GDF10: variants seen among roughly 807,000 people sequenced by gnomAD.
GDF10 encodes growth differentiation factor 10, also known as growth/differentiation factor 10.
GDF10 carries 23 observed loss-of-function variants against 32.1 expected under a neutral mutation model. The ratio of observed to expected loss-of-function variants is 0.72; its 90% CI spans 0.52 to 1.02. GDF10 has a LOEUF of 1.02. Among genes scored for constraint, GDF10 ranks in the 50% least tolerant of loss-of-function variants. The pLI is 0.00. For synonymous variants in GDF10, 328 were observed against 303.1 expected (o/e 1.08, Z -0.85); for missense variants, 764 against 673.9 (o/e 1.13, Z -1.48).
At position 47,310,367 on chromosome 10, in the gene GDF10, C is replaced by G. The variant is rs199807280; in HGVS notation, c.891C>G (p.Pro297=). The change falls in exon 2 of 3, where the codon CCC becomes CCG. Residue 297 remains proline (P), a synonymous_variant. Transcript: ENST00000580279. ...RVRRAAQATG[P]LQDNELPGLD... ...GCCGAGCCGCGCAGGCCACTGGGCCCCTCCAGGACAACGAGCTGCCGGGGC... is the reference window on the plus strand; with the variant it reads ...GCCGAGCCGCGCAGGCCACTGGGCCGCTCCAGGACAACGAGCTGCCGGGGC... 116 of 1,607,256 alleles carry G rather than the reference C, an allele frequency of 7.2e-5. No individual in the cohort carries two copies. The Middle Eastern group carries it at 8.3e-4, about 12-fold the overall frequency.
intron 1 of GDF10, among the ~76,000 whole-genome samples, chr10:47,304,942 G>T (rs2125067): frequency 6.6e-6 from 1 of 152,258 alleles, no homozygotes. Context: ...TTCTAATAGA[G>T]AATTTGCTTT....
Position 47,300,849 on chromosome 10 carries a change from G to A in GDF10, c.198G>A (p.Thr66=). ...GGCACCCTGGGGACGCGGCCGCCAC[G>A]TTGGGCCCCAGCGCCCAGGACATGG... The part of the protein sequence containing the change: ...LQRHPGDAAA[T]LGPSAQDMVA... Residue 66 remains threonine, a synonymous_variant, in exon 1 of 3, where the codon ACG becomes ACA. Coordinates refer to ENST00000580279, the MANE Select transcript of GDF10 (RefSeq NM_004962.5). The A allele has an allele frequency of 6.3e-7, 1 of 1,583,226 alleles. No individual in the cohort carries two copies. The highest frequency in any genetic ancestry group is 1.4e-5 in the African/African-American group (1 of 74,026).
Position 47,310,448 on chromosome 10 carries a change from G to A in GDF10, c.972G>A (p.Trp324Ter). ...HAQHFHKHQL[W>*]PSPFRALKPR... ...AGCACTTCCACAAGCACCAGCTGTG[G>A]CCCAGCCCCTTCCGGGCGCTGAAAC... The change falls in exon 2 of 3, where the codon TGG (tryptophan) becomes TGA (stop). Residue 324 changes from tryptophan to a stop codon, truncating the protein, a stop_gained. Transcript: ENST00000580279. LOFTEE classifies it high-confidence loss of function. 1 of 1,613,502 alleles carries A rather than the reference G, an allele frequency of 6.2e-7. No individual in the cohort carries two copies. Among genetic ancestry groups the A allele is most frequent in the Non-Finnish European group, 8.5e-7 (1 of 1,179,800 alleles).
intron 1 of GDF10, among the ~76,000 whole-genome samples, chr10:47,309,121 T>C (rs544043033): frequency 6.6e-6 from 1 of 152,336 alleles, no homozygotes; most frequent in South Asian, 2.1e-4. Context: ...TTGCCTTGTG[T>C]AATCCTGATG....
At chr10:47,312,352 G>A (rs1240741537) in intron 2 of GDF10, among the ~76,000 whole-genome samples, 2 of 152,220 alleles carry the variant, frequency 1.3e-5, no homozygotes, top group Non-Finnish European at 2.9e-5. Flanking sequence ...GTGCCTCAGG[G>A]AAGCCAAAGG....
chr10:47,310,869 A>C, intron 2 of GDF10, 148 bp downstream of exon 2: 2 of 625,518 alleles, frequency 3.2e-6, no homozygotes, highest in Middle Eastern at 3.7e-4. Flanking sequence ...ATAGGTAGAC[A>C]TAGGTCACCA....
At chr10:47,304,038 A>C (rs1314546212) in intron 1 of GDF10, among the ~76,000 whole-genome samples, 1 of 152,164 alleles carries the variant, frequency 6.6e-6, no homozygotes, top group African/African-American at 2.4e-5. Flanking sequence ...CGGGAGCCCA[A>C]AGGCGCACTG....
At chr10:47,308,250 G>A (rs1424086949) in intron 1 of GDF10, among the ~76,000 whole-genome samples, 1 of 152,186 alleles carries the variant, frequency 6.6e-6, no homozygotes, top group East Asian at 1.9e-4. Context: ...TCATTGTTAT[G>A]CAGTCAAGGC....
intron 1 of GDF10, among the ~76,000 whole-genome samples, chr10:47,303,921 A>C (rs1319994758): frequency 3.9e-5 from 6 of 152,266 alleles, no homozygotes; most frequent in Non-Finnish European, 8.8e-5. Flanking sequence ...CAGGGAGCAC[A>C]AAGATGCCCA....
intron 1 of GDF10, among the ~76,000 whole-genome samples, chr10:47,301,945 C>CTGTG (rs138867103): frequency 2.6e-5 from 4 of 152,170 alleles, no homozygotes; most frequent in Admixed American, 2.6e-4. Flanking sequence ...CTGTCACTGG[C>CTGTG]TGTGTGACTC....
intron 1 of GDF10, among the ~76,000 whole-genome samples, chr10:47,308,948 G>A (rs532746276): frequency 5.3e-5 from 8 of 152,360 alleles, no homozygotes; most frequent in African/African-American, 1.9e-4. Context: ...TGACATGGCT[G>A]TGCTGCCCTG....
Position 47,312,699 on chromosome 10 carries a change from G to T in GDF10, c.1344G>T (p.Met448Ile), listed in dbSNP as rs781809828. Reference sequence around the variant, plus strand: ...AGCCCTGCTGTGTTCCCGATAAGATGAACTCCCTTGGGGTCCTCTTCCTGG... The same window carrying T: ...AGCCCTGCTGTGTTCCCGATAAGATTAACTCCCTTGGGGTCCTCTTCCTGG... ...IPEPCCVPDK[M>I]NSLGVLFLDE... Residue 448 changes from methionine (M) to isoleucine (I), a missense_variant, in exon 3 of 3, where the codon ATG becomes ATT. Coordinates refer to ENST00000580279, the MANE Select transcript of GDF10 (RefSeq NM_004962.5). 10 of 1,610,648 alleles carry T rather than the reference G, an allele frequency of 6.2e-6. No homozygotes were observed. The highest frequency in any genetic ancestry group is 7.6e-6 in the Non-Finnish European group (9 of 1,178,106).
chr10:47,308,554 TA>T (rs1555207304), intron 1 of GDF10, among the ~76,000 whole-genome samples: 2,110 of 147,984 alleles, frequency 0.014, 39 homozygotes, highest in African/African-American at 0.044. Context: ...ATATTTCTGT[TA>T]AAAAAAAAAA....
In GDF10 at chr10:47,310,158, G is replaced by T; in HGVS notation, c.682G>T (p.Glu228Ter). ...GCTCCTCTCCGCCCAGCTGGATTCT[G>T]AGGAGAGGGACCCGGGGGTGCCCCG... The part of the protein sequence containing the change: ...ELLLSAQLDS[E>*]ERDPGVPRPS... The change falls in exon 2 of 3, where the codon GAG becomes TAG. Residue 228 changes from glutamate to a stop codon, truncating the protein, a stop_gained. Transcript: ENST00000580279. LOFTEE classifies it high-confidence loss of function. The T allele has an allele frequency of 6.2e-7, 1 of 1,612,078 alleles. No homozygotes were observed.
chr10:47,312,463 T>C, intron 2 of GDF10, 138 bp from the exon 3 acceptor site: 1 of 475,518 alleles, frequency 2.1e-6, no homozygotes, highest in Non-Finnish European at 3.7e-6. Context: ...CGTCCATTCC[T>C]CTAGGTGGAT....
Position 47,310,099 on chromosome 10 carries a change from C to G in GDF10, c.623C>G (p.Pro208Arg). 1 of 1,609,216 alleles carries G rather than the reference C, an allele frequency of 6.2e-7. No homozygotes were observed. Among genetic ancestry groups the G allele is most frequent in the South Asian group, 1.1e-5 (1 of 91,028 alleles). ...CTGTGGCAGGCCAAGGACATCTCCC[C>G]CATCGTCAAGGCGGCCCGCCGGGAT... is the stretch of plus-strand genomic sequence containing the variant. ...RGLWQAKDIS[P>R]IVKAARRDGE... The change falls in exon 2 of 3, where the codon CCC becomes CGC. Residue 208 changes from proline to arginine, a missense_variant. By Grantham distance (103) the Pro-to-Arg change is moderately radical. Coordinates refer to ENST00000580279, the MANE Select transcript of GDF10 (RefSeq NM_004962.5).
chr10:47,310,315 CCAA>C lies in GDF10; in HGVS notation c.844_846del (p.Asn282del). 6.2e-7 allele frequency: 1 copy of C among 1,608,300 alleles called. No homozygotes were observed. The highest frequency in any genetic ancestry group is 1.1e-5 in the South Asian group (1 of 90,568). Reference sequence around the variant, plus strand: ...GGAGACCCCGAGCCCCGCGCAGCCCCCAACAACTCAGCGGACCCCCGCGTGCGC... The same window carrying C: ...GGAGACCCCGAGCCCCGCGCAGCCCCCAACTCAGCGGACCCCCGCGTGCGC... On this transcript the variant is annotated inframe_deletion, in exon 2 of 3. Coordinates refer to ENST00000580279, the MANE Select transcript of GDF10 (RefSeq NM_004962.5).
chr10:47,310,381 A>G lies in GDF10; in HGVS notation c.905A>G (p.Glu302Gly). The G allele has an allele frequency of 6.2e-7, 1 of 1,608,068 alleles. No individual in the cohort carries two copies. Among genetic ancestry groups the G allele is most frequent in the Non-Finnish European group, 8.5e-7 (1 of 1,178,190 alleles). ...GCCACTGGGCCCCTCCAGGACAACG[A>G]GCTGCCGGGGCTGGATGAGAGGCCG... ...AQATGPLQDN[E>G]LPGLDERPPR... The change falls in exon 2 of 3, where the codon GAG (glutamate) becomes GGG (glycine). Residue 302 changes from glutamate to glycine, a missense_variant. Coordinates refer to ENST00000580279, the MANE Select transcript of GDF10 (RefSeq NM_004962.5).
In GDF10 at chr10:47,300,620, G is replaced by A. The variant is rs782764705; in HGVS notation, c.-32G>A. The A allele has an allele frequency of 1.9e-6, 3 of 1,552,458 alleles. No individual in the cohort carries two copies. The South Asian group carries it at 3.6e-5, about 19-fold the overall frequency. The stretch of plus-strand genomic sequence containing the variant: ...CGCCAGCGCTCGCCTTCCTCCTCCT[G>A]GACTTCGGCCCTTTGCCGCCCTCAC... On this transcript the variant is annotated 5_prime_UTR_variant, in exon 1 of 3. Coordinates refer to ENST00000580279, the MANE Select transcript of GDF10 (RefSeq NM_004962.5).
Sources: allele counts gnomAD v4.1 joint callset (sites outside exome capture counted in the v4.1 genomes callset), GRCh38; gene constraint gnomAD v4.1.1; transcripts MANE v1.5; gene names NCBI Gene and HGNC (gene_info 2026-07-23, HGNC 2026-07-21).